The following BTNL8 variants were observed in gnomAD, a reference collection of about 807,000 sequenced individuals.
BTNL8 encodes butyrophilin like 8.
Under a neutral mutation model 36.1 loss-of-function variants are expected in BTNL8, and 22 were observed. The observed-to-expected ratio is 0.61, with a 90% CI of 0.44 to 0.87. BTNL8 has a LOEUF of 0.87. Ranked by LOEUF, BTNL8 falls within the 40% of genes least tolerant of loss-of-function variation. The pLI, the probability that BTNL8 is intolerant of heterozygous loss-of-function variation, is 0.00. For synonymous variants in BTNL8, 203 were observed against 235.6 expected, an observed-to-expected ratio of 0.86 and a Z score of 1.27; for missense variants, 526 against 616.9, an observed-to-expected ratio of 0.85 and a Z score of 1.56.
intron 2 of BTNL8, among the ~76,000 whole-genome samples, 154 bp downstream of exon 2, chr5:180,909,087 T>C (rs796213804): frequency 2.2e-4 from 33 of 152,332 alleles, no homozygotes; most frequent in African/African-American, 7.9e-4. Context: ...TGTATAGTTC[T>C]ATGTGTTTTG....
In BTNL8 at chr5:180,939,562, T is replaced by C. The variant is rs139797353; in HGVS notation, c.674-7950T>C. On this transcript the variant is annotated intron_variant, in intron 3 of 7. Transcript: ENST00000340184. The stretch of plus-strand genomic sequence containing the variant: ...AAAGCACCAAAATTCATAAAGCAAA[T>C]ATTACTAGATCTAAAGGGAAAGGTA... Among the ~76,000 whole-genome samples, 48 of 152,156 alleles carry C rather than the reference T, an allele frequency of 3.2e-4. 1 individual carries two copies. The East Asian group carries it at 8.9e-3, about 28-fold the overall frequency.
intron 3 of BTNL8, among the ~76,000 whole-genome samples, chr5:180,943,697 A>G (rs1400020867): frequency 6.6e-6 from 1 of 152,220 alleles, no homozygotes; most frequent in African/African-American, 2.4e-5. Context: ...TTCTCAAAAC[A>G]TTAAAAACAA....
At chr5:180,949,320 G>A (rs1306996728) in intron 7 of BTNL8, 55 bp downstream of exon 7, 1 of 1,459,790 alleles carries the variant, frequency 6.9e-7, no homozygotes, top group South Asian at 1.1e-5. Flanking sequence ...GACATGAGAG[G>A]GGGAACTGAA....
chr5:180,919,389 T>C (rs975352898), intron 3 of BTNL8, among the ~76,000 whole-genome samples: 4 of 152,232 alleles, frequency 2.6e-5, no homozygotes, highest in Non-Finnish European at 5.9e-5. Flanking sequence ...AGGGGGTCCA[T>C]TCAGTTGACT....
intron 1 of BTNL8, among the ~76,000 whole-genome samples, chr5:180,901,957 A>G (rs1442166185): frequency 2.0e-5 from 3 of 152,228 alleles, no homozygotes. Context: ...TTGGCAGAAC[A>G]AGCAGATTTT....
rs1582071611 is a variant in BTNL8, at chr5:180,949,789, G to A, written c.863-115G>A. The A allele has an allele frequency of 5.4e-6, 7 of 1,286,368 alleles. 1 individual carries two copies. Among genetic ancestry groups the A allele is most frequent in the Admixed American group, 2.3e-5 (1 of 44,004 alleles). The allele number at this position is 1,286,368 out of a possible 1,614,324, so 79.7% of individuals were successfully genotyped here. A position where few individuals can be genotyped will look rare whatever the true frequency, so the allele number is the denominator to read the frequency against. ...CAGTGTCTGCGGGAGGCTCAGGTCC[G>A]GGGCCTCACCTATGCCACCCAGAGC... is the stretch of plus-strand genomic sequence containing the variant. On this transcript the variant is annotated intron_variant, in intron 7 of 7. Transcript: ENST00000340184.
intron 3 of BTNL8, among the ~76,000 whole-genome samples, chr5:180,921,576 A>G (rs1490262698): frequency 6.6e-6 from 1 of 151,954 alleles, no homozygotes; most frequent in African/African-American, 2.4e-5. Context: ...GAGATCTACT[A>G]TACAGCACAG....
At position 180,942,165 on chromosome 5, in the gene BTNL8, A is replaced by C. The variant is rs142848432; in HGVS notation, c.674-5347A>C. Among the ~76,000 whole-genome samples, 981 of 152,314 alleles carry C rather than the reference A, an allele frequency of 6.4e-3. 2 individuals carry two copies. The highest frequency in any genetic ancestry group is 9.9e-3 in the Non-Finnish European group (676 of 68,024). ...CACACCAATAACAAACTAGTTGAAA[A>C]AGAATCAAGAAAGCAGTATCATTTA... On this transcript the variant is annotated intron_variant, in intron 3 of 7. Coordinates refer to ENST00000340184, the MANE Select transcript of BTNL8 (RefSeq NM_001040462.3).
chr5:180,911,721 T>A, intron 3 of BTNL8, 107 bp downstream of exon 3: 1 of 1,136,718 alleles, frequency 8.8e-7, no homozygotes, highest in Non-Finnish European at 1.3e-6. Context: ...TTCTCAGTTC[T>A]AATGATTTAT....
chr5:180,944,676 A>G (rs1035143609), intron 3 of BTNL8, among the ~76,000 whole-genome samples: 2 of 152,232 alleles, frequency 1.3e-5, no homozygotes, highest in African/African-American at 4.8e-5. Context: ...AGGATTTTGA[A>G]TGTTCTCACC....
At chr5:180,908,347 C>A (rs1757208545) in intron 1 of BTNL8, among the ~76,000 whole-genome samples, 1 of 152,218 alleles carries the variant, frequency 6.6e-6, no homozygotes, top group African/African-American at 2.4e-5. Context: ...CCGAGTGAGG[C>A]AATGCCTCGC....
Position 180,911,691 on chromosome 5 carries a change from T to C in BTNL8, c.673+77T>C, listed in dbSNP as rs1644004627. On this transcript the variant is annotated intron_variant, in intron 3 of 7. Transcript: ENST00000340184. ...CAGAGGGAGGACAGGAGCCTCCATCTTGGCATTGCTGTTTTATCTTTCTCA... is the reference window on the plus strand; with the variant it reads ...CAGAGGGAGGACAGGAGCCTCCATCCTGGCATTGCTGTTTTATCTTTCTCA... 2.2e-6 allele frequency: 3 copies of C among 1,354,772 alleles called. No individual in the cohort carries two copies. In the South Asian group the frequency reaches 4.2e-5, roughly 19 times the overall value. The allele number at this position is 1,354,772 out of a possible 1,614,324, so 83.9% of individuals were successfully genotyped here.
intron 1 of BTNL8, among the ~76,000 whole-genome samples, chr5:180,908,325 C>A (rs1328934951): frequency 1.3e-5 from 2 of 152,204 alleles, no homozygotes; most frequent in Non-Finnish European, 2.9e-5. Context: ...ACTCCCTGAC[C>A]CCTTGCGCTT....
intron 3 of BTNL8, among the ~76,000 whole-genome samples, chr5:180,936,345 T>C (rs952175745): frequency 1.3e-5 from 2 of 152,144 alleles, no homozygotes; most frequent in Non-Finnish European, 2.9e-5. Context: ...TAGAAAATCC[T>C]AAAGACTTAG....
chr5:180,907,129 G>C (rs1338204805), intron 1 of BTNL8, among the ~76,000 whole-genome samples: 1 of 118,206 alleles, frequency 8.5e-6, no homozygotes, highest in Non-Finnish European at 1.7e-5. Flanking sequence ...TTCCAACTTG[G>C]TTCCATTCTC....
chr5:180,948,087 C>T, intron 4 of BTNL8: 1 of 651,532 alleles, frequency 1.5e-6, no homozygotes, highest in Non-Finnish European at 2.6e-6. Context: ...CCCGCCTCCC[C>T]TCCCAGCTGC....
At position 180,908,776 on chromosome 5, in the gene BTNL8, G is replaced by A. The variant is rs763180036; in HGVS notation, c.240G>A (p.Gln80=). 2 of 1,614,088 alleles carry A rather than the reference G, an allele frequency of 1.2e-6. No individual in the cohort carries two copies. The highest frequency in any genetic ancestry group is 2.7e-5 in the African/African-American group (2 of 74,928). The change falls in exon 2 of 8, where the codon CAG becomes CAA. Residue 80 remains glutamine (Q), a synonymous_variant. Coordinates refer to ENST00000340184, the MANE Select transcript of BTNL8 (RefSeq NM_001040462.3). ...ACCAGCCATTTATGCAGATGCCACA[G>A]TATCAAGGCAGGACAAAACTGGTGA... ...GKDQPFMQMP[Q]YQGRTKLVKD...
At chr5:180,913,516 C>T (rs1404222161) in intron 3 of BTNL8, among the ~76,000 whole-genome samples, 1 of 152,146 alleles carries the variant, frequency 6.6e-6, no homozygotes, top group Admixed American at 6.5e-5. Context: ...GACCAGAAAT[C>T]CAGAGAATCC....
At chr5:180,939,986 A>G (rs748612806) in intron 3 of BTNL8, among the ~76,000 whole-genome samples, 2 of 152,234 alleles carry the variant, frequency 1.3e-5, no homozygotes, top group Non-Finnish European at 2.9e-5. Flanking sequence ...TCTTCTGAAC[A>G]ACCATTGGCT....
Sources: gnomAD v4.1 joint callset for allele counts (sites outside exome capture counted in the v4.1 genomes callset) on GRCh38, gnomAD v4.1.1 for gene constraint, MANE v1.5 for transcripts, NCBI Gene and HGNC (gene_info 2026-07-23, HGNC 2026-07-21) for gene names.